The following DYM variants were observed in gnomAD, a reference collection of about 807,000 sequenced individuals.
DYM encodes dyggve-Melchior-Clausen syndrome protein.
DYM carries 78 observed loss-of-function variants against 93.1 expected under a neutral mutation model. The ratio of observed to expected loss-of-function variants is 0.84; its 90% CI spans 0.70 to 1.01. DYM has a LOEUF of 1.01. DYM is among the 50% of genes least tolerant of loss of function. DYM has a pLI of 0.00. For synonymous variants in DYM, 321 were observed against 319.7 expected, an observed-to-expected ratio of 1.00 and a Z score of -0.04; for missense variants, 789 against 845.0, an observed-to-expected ratio of 0.93 and a Z score of 0.82.
At chr18:49,062,830 G>T (rs1204439856) in intron 17 of DYM, among the ~76,000 whole-genome samples, 1 of 152,214 alleles carries the variant, frequency 6.6e-6, no homozygotes, top group Admixed American at 6.5e-5. Context: ...TCACCCCAGG[G>T]ATTCTTCCTC....
At chr18:49,258,542 A>G (rs752949663) in intron 11 of DYM, 49 bp from the exon 12 acceptor site, 1 of 1,175,050 alleles carries the variant, frequency 8.5e-7, no homozygotes, top group Non-Finnish European at 1.3e-6. Flanking sequence ...CTTTACAGAC[A>G]AAAGAATTAC....
chr18:49,242,050 G>C (rs2094024168), intron 13 of DYM, among the ~76,000 whole-genome samples: 1 of 152,300 alleles, frequency 6.6e-6, no homozygotes, highest in Non-Finnish European at 1.5e-5. Context: ...AGGCTGCCTG[G>C]AGTTACACTC....
chr18:49,422,853 T>C (rs1456884463), intron 2 of DYM, among the ~76,000 whole-genome samples: 1 of 152,176 alleles, frequency 6.6e-6, no homozygotes, highest in Non-Finnish European at 1.5e-5. Context: ...CTAACTATCC[T>C]AAATATATAT....
chr18:49,264,111 T>G (rs1163835759), intron 11 of DYM, among the ~76,000 whole-genome samples: 1 of 151,692 alleles, frequency 6.6e-6, no homozygotes, highest in African/African-American at 2.4e-5. Context: ...GTTTTTTTTT[T>G]TTTTTTGAGT....
At chr18:49,187,716 T>G (rs8090015) in intron 14 of DYM, among the ~76,000 whole-genome samples, 96,077 of 152,006 alleles carry the variant, frequency 0.63, 31,505 homozygotes, top group Non-Finnish European at 0.74. Context: ...ACTATTGTAT[T>G]TATATAAATA....
chr18:49,349,465 G>T (rs2064927940), intron 6 of DYM, among the ~76,000 whole-genome samples: 1 of 152,048 alleles, frequency 6.6e-6, no homozygotes, highest in African/African-American at 2.4e-5. Context: ...AACAAGTATA[G>T]AATTTATGGT....
At chr18:49,273,976 G>C (rs913558643) in intron 10 of DYM, among the ~76,000 whole-genome samples, 2 of 152,038 alleles carry the variant, frequency 1.3e-5, no homozygotes, top group African/African-American at 4.8e-5. Context: ...GACTATGTCA[G>C]AATAGTACTT....
chr18:49,327,108 A>C (rs966535495), intron 8 of DYM, among the ~76,000 whole-genome samples: 2 of 149,796 alleles, frequency 1.3e-5, no homozygotes, highest in African/African-American at 4.9e-5. Flanking sequence ...GAGGAGAAAA[A>C]ACACAACAAA....
chr18:49,168,542 C>T (rs1420065990), intron 14 of DYM, among the ~76,000 whole-genome samples: 1 of 152,016 alleles, frequency 6.6e-6, no homozygotes, highest in African/African-American at 2.4e-5. Flanking sequence ...GGAGATGACA[C>T]CAGAATGAAG....
chr18:49,115,275 G>C (rs1417375899), intron 16 of DYM, among the ~76,000 whole-genome samples: 1 of 152,050 alleles, frequency 6.6e-6, no homozygotes, highest in Non-Finnish European at 1.5e-5. Flanking sequence ...TCCAAATGAT[G>C]TGTAATATTG....
intron 16 of DYM, among the ~76,000 whole-genome samples, chr18:49,106,939 T>C (rs567702476): frequency 6.6e-6 from 1 of 152,150 alleles, no homozygotes; most frequent in Admixed American, 6.6e-5. Flanking sequence ...TTTCCTGAAT[T>C]TGAATGTTGG....
chr18:49,269,103 A>G (rs1397892471), intron 11 of DYM, among the ~76,000 whole-genome samples: 1 of 152,172 alleles, frequency 6.6e-6, no homozygotes, highest in Non-Finnish European at 1.5e-5. Context: ...ACACAACTCA[A>G]TAACAGAAAA....
At chr18:49,442,260 G>A (rs78610447) in intron 1 of DYM, among the ~76,000 whole-genome samples, 13,937 of 152,112 alleles carry the variant, frequency 0.092, 862 homozygotes, top group East Asian at 0.31. Context: ...AGAAACCAAA[G>A]CAGCCCGGGC....
rs1344812565 is a variant in DYM at position 49,039,955 on chromosome 18, G to T, written c.*4100C>A. The T allele has an allele frequency of 1.3e-5, 2 of 152,198 alleles. No individual in the cohort carries two copies. Among genetic ancestry groups the T allele is most frequent in the African/African-American group, 4.8e-5 (2 of 41,440 alleles). The allele number at this position is 152,198 out of a possible 1,614,324, so 9.4% of individuals were successfully genotyped here. ...CCTGGGTATTTCTGATTGCAACACT[G>T]CAGAAATAATTTGAGGCCTTGGGTT... On this transcript the variant is annotated 3_prime_UTR_variant, in exon 18 of 18. Coordinates refer to ENST00000675505, the MANE Select transcript of DYM (RefSeq NM_001353214.3).
chr18:49,248,221 C>T (rs2094211573), intron 13 of DYM, among the ~76,000 whole-genome samples: 1 of 152,182 alleles, frequency 6.6e-6, no homozygotes, highest in Non-Finnish European at 1.5e-5. Flanking sequence ...TCAGTGAGAT[C>T]TTCATTTTCT....
At chr18:49,279,106 T>C (rs1294114849) in intron 10 of DYM, among the ~76,000 whole-genome samples, 1 of 152,212 alleles carries the variant, frequency 6.6e-6, no homozygotes, top group Non-Finnish European at 1.5e-5. Context: ...AGAGTCACTG[T>C]ATTGTTATTC....
chr18:49,079,861 C>A (rs553150720), intron 17 of DYM, among the ~76,000 whole-genome samples: 4,067 of 151,536 alleles, frequency 0.027, 183 homozygotes, highest in African/African-American at 0.091. Flanking sequence ...ACCTTCCCCC[C>A]CTTTCTATTC....
At chr18:49,149,637 T>C (rs377385083) in intron 15 of DYM, among the ~76,000 whole-genome samples, 1 of 150,832 alleles carries the variant, frequency 6.6e-6, no homozygotes, top group Non-Finnish European at 1.5e-5. Context: ...GCCCAGAACA[T>C]AGAAGCTGCT....
intron 17 of DYM, among the ~76,000 whole-genome samples, chr18:49,057,757 T>C (rs1441889312): frequency 6.6e-6 from 1 of 152,240 alleles, no homozygotes; most frequent in Non-Finnish European, 1.5e-5. Context: ...CTTTTAAGAC[T>C]ACCATGTACC....
Sources: gnomAD v4.1 joint callset for allele counts (sites outside exome capture counted in the v4.1 genomes callset) on GRCh38, gnomAD v4.1.1 for gene constraint, MANE v1.5 for transcripts, NCBI Gene and HGNC (gene_info 2026-07-23, HGNC 2026-07-21) for gene names.